The following TRIM44 variants were observed in gnomAD, a reference collection of about 807,000 sequenced individuals.
TRIM44 encodes tripartite motif-containing protein 44.
In TRIM44, 13 loss-of-function variants were observed where a neutral mutation model predicts 37.4. The ratio of observed to expected loss-of-function variants is 0.35; its 90% CI spans 0.23 to 0.55. TRIM44 has a LOEUF of 0.55. Ranked by LOEUF, TRIM44 falls within the 20% of genes least tolerant of loss-of-function variation. The pLI is 0.89. For missense variants in TRIM44, 426 were observed against 437.2 expected (o/e 0.97, Z 0.23); for synonymous variants, 175 against 157.2 (o/e 1.11, Z -0.85).
chr11:35,773,268 T>C (rs1467156113), intron 4 of TRIM44, among the ~76,000 whole-genome samples: 1 of 152,166 alleles, frequency 6.6e-6, no homozygotes, highest in African/African-American at 2.4e-5. Context: ...AACAGACTAA[T>C]ACAGGTGCCT....
chr11:35,663,384 A>G lies in TRIM44; in HGVS notation c.273A>G (p.Ile91Met). ...AEVKVEQERE[I>M]ESEAGEESES... ...TCAAGGTGGAGCAGGAGAGGGAGAT[A>G]GAAAGCGAGGCAGGGGAAGAGAGTG... Residue 91 changes from isoleucine (I) to methionine (M), a missense_variant, in exon 1 of 5, where the codon ATA becomes ATG. Transcript: ENST00000299413. 1 of 1,608,890 alleles carries G rather than the reference A, an allele frequency of 6.2e-7. No individual in the cohort carries two copies. Among genetic ancestry groups the G allele is most frequent in the Non-Finnish European group, 8.5e-7 (1 of 1,177,274 alleles).
In TRIM44 at chr11:35,720,055, G is replaced by C. The variant is rs1852082828; in HGVS notation, c.748-5869G>C. On this transcript the variant is annotated intron_variant, in intron 2 of 4. Coordinates refer to ENST00000299413, the MANE Select transcript of TRIM44 (RefSeq NM_017583.6). ...CCACTCCAAATAAACTTTAGAATCA[G>C]TTTGTTGATATCCACAAAATAACTT... Among the ~76,000 whole-genome samples the C allele has an allele frequency of 6.6e-5, 10 of 152,278 alleles. No individual in the cohort carries two copies. In the South Asian group the frequency reaches 1.9e-3, roughly 28 times the overall value.
In TRIM44 at chr11:35,726,055, T is replaced by A. The variant is rs1232664084; in HGVS notation, c.879T>A (p.Thr293=). Reference sequence around the variant, plus strand: ...AGGCAATGGCCACAGCTCATGTGACTGAGATACTGGCAGACATCCAATCCC... The same window carrying A: ...AGGCAATGGCCACAGCTCATGTGACAGAGATACTGGCAGACATCCAATCCC... ...IQEAMATAHV[T]EILADIQSHM... Residue 293 remains threonine, a synonymous_variant, in exon 3 of 5, where the codon ACT becomes ACA. Coordinates refer to ENST00000299413, the MANE Select transcript of TRIM44 (RefSeq NM_017583.6). 6.2e-7 allele frequency: 1 copy of A among 1,614,126 alleles called. No homozygotes were observed. Among genetic ancestry groups the A allele is most frequent in the Admixed American group, 1.7e-5 (1 of 60,016 alleles).
In TRIM44 at chr11:35,685,348, T is replaced by A. The variant is rs1851562913; in HGVS notation, c.747+12T>A. The A allele has an allele frequency of 6.2e-7, 1 of 1,611,004 alleles. No individual in the cohort carries two copies. Among genetic ancestry groups the A allele is most frequent in the Admixed American group, 1.7e-5 (1 of 59,952 alleles). On this transcript the variant is annotated intron_variant, in intron 2 of 4. Coordinates refer to ENST00000299413, the MANE Select transcript of TRIM44 (RefSeq NM_017583.6). Reference sequence around the variant, plus strand: ...GCTCAGACCCTAAAGTAAGTATTGTTTGGAATTGATTGGGTGTTGGTACCC... The same window carrying A: ...GCTCAGACCCTAAAGTAAGTATTGTATGGAATTGATTGGGTGTTGGTACCC...
At chr11:35,714,315 G>GA (rs1437528034) in intron 2 of TRIM44, among the ~76,000 whole-genome samples, 1 of 152,042 alleles carries the variant, frequency 6.6e-6, no homozygotes, top group Non-Finnish European at 1.5e-5. Flanking sequence ...GTTAAGTTTA[G>GA]AAAAATATCT....
intron 4 of TRIM44, among the ~76,000 whole-genome samples, chr11:35,754,284 T>A (rs187317275): frequency 6.6e-6 from 1 of 152,124 alleles, no homozygotes; most frequent in Non-Finnish European, 1.5e-5. Context: ...CAGGGAATCA[T>A]CTCGGATTTC....
At chr11:35,663,860 A>G (rs1481259116) in intron 1 of TRIM44, 80 bp downstream of exon 1, 2 of 1,479,988 alleles carry the variant, frequency 1.4e-6, no homozygotes, top group African/African-American at 1.4e-5. Flanking sequence ...CTGTGACCAC[A>G]TTCGCTTTCA....
intron 4 of TRIM44, among the ~76,000 whole-genome samples, chr11:35,796,283 G>T (rs1269484417): frequency 6.6e-6 from 1 of 152,210 alleles, no homozygotes; most frequent in Non-Finnish European, 1.5e-5. Flanking sequence ...ACACACTTGT[G>T]CATGCACACA....
chr11:35,680,687 G>A (rs1030197327), intron 1 of TRIM44, among the ~76,000 whole-genome samples: 1 of 152,188 alleles, frequency 6.6e-6, no homozygotes, highest in Non-Finnish European at 1.5e-5. Flanking sequence ...GAGGAAAGGA[G>A]AAGTGGATTG....
At chr11:35,688,733 A>T (rs904349618) in intron 2 of TRIM44, among the ~76,000 whole-genome samples, 3 of 152,210 alleles carry the variant, frequency 2.0e-5, no homozygotes, top group African/African-American at 7.2e-5. Flanking sequence ...CACCCAGAAG[A>T]CGTATTAAAA....
chr11:35,726,878 A>AG (rs1354408691), intron 3 of TRIM44, among the ~76,000 whole-genome samples: 3 of 151,942 alleles, frequency 2.0e-5, no homozygotes, highest in Non-Finnish European at 4.4e-5. Context: ...AAAAAGTACA[A>AG]GCTGGGCTCA....
chr11:35,795,291 T>A (rs1466467506), intron 4 of TRIM44, among the ~76,000 whole-genome samples: 1 of 152,208 alleles, frequency 6.6e-6, no homozygotes, highest in Non-Finnish European at 1.5e-5. Flanking sequence ...TGATATAATC[T>A]ATTGCACATT....
At chr11:35,737,602 G>A (rs1344874508) in intron 4 of TRIM44, among the ~76,000 whole-genome samples, 2 of 152,162 alleles carry the variant, frequency 1.3e-5, no homozygotes, top group East Asian at 1.9e-4. Context: ...TTGGGAGGCC[G>A]AGGCAGGTGG....
intron 4 of TRIM44, among the ~76,000 whole-genome samples, chr11:35,803,863 G>A (rs1013782404): frequency 1.3e-5 from 2 of 151,886 alleles, no homozygotes; most frequent in African/African-American, 2.4e-5. Flanking sequence ...CAGGAGAGAC[G>A]ACATACAAGC....
chr11:35,665,586 GTTT>G lies in TRIM44; in HGVS notation c.669+1830_669+1832del, dbSNP rs35522287. On this transcript the variant is annotated intron_variant, in intron 1 of 4. Coordinates refer to ENST00000299413, the MANE Select transcript of TRIM44 (RefSeq NM_017583.6). The stretch of plus-strand genomic sequence containing the variant: ...TCATTATATGAGTTTTTATATATCT[GTTT>G]TTTTTTTTTTTTTTTTTTTTTTTGA... Among the ~76,000 whole-genome samples the G allele has an allele frequency of 2.4e-3, 170 of 71,468 alleles. 2 individuals are homozygous for G. Among genetic ancestry groups the G allele is most frequent in the Middle Eastern group, 0.011 (1 of 88 alleles). The allele number at this position is 71,468 out of a possible 152,430, so 46.9% of individuals were successfully genotyped here. A position where few individuals can be genotyped will look rare whatever the true frequency, so the allele number is the denominator to read the frequency against.
chr11:35,709,641 C>T (rs745421832), intron 2 of TRIM44, among the ~76,000 whole-genome samples: 1 of 152,054 alleles, frequency 6.6e-6, no homozygotes, highest in African/African-American at 2.4e-5. Flanking sequence ...CAAAGAAACT[C>T]GGAGAGCTCA....
At chr11:35,704,244 GA>G (rs1175432414) in intron 2 of TRIM44, among the ~76,000 whole-genome samples, 5 of 152,216 alleles carry the variant, frequency 3.3e-5, no homozygotes, top group Non-Finnish European at 2.9e-5. Context: ...AAGCCTCCAT[GA>G]AATATGGGAC....
At position 35,817,474 on chromosome 11, in the gene TRIM44, G is replaced by A. The variant is rs1590621673; in HGVS notation, c.*11089G>A. The A allele has an allele frequency of 1.3e-5, 2 of 152,174 alleles. No homozygotes were observed. The highest frequency in any genetic ancestry group is 6.5e-5 in the Admixed American group (1 of 15,282). 9.4% of individuals were successfully genotyped at this position (152,174 alleles called of 1,614,324 possible). ...AGATCTTAGCAAAGTAAAAAGGACA[G>A]TGATAACAGAAAAATTGTTCCTCTA... On this transcript the variant is annotated 3_prime_UTR_variant, in exon 5 of 5. Coordinates refer to ENST00000299413, the MANE Select transcript of TRIM44 (RefSeq NM_017583.6).
chr11:35,739,402 A>C (rs565070355), intron 4 of TRIM44, among the ~76,000 whole-genome samples: 1 of 152,172 alleles, frequency 6.6e-6, no homozygotes, highest in East Asian at 1.9e-4. Context: ...CATGTGGACT[A>C]TCTTCAAAAT....
Sources: allele counts gnomAD v4.1 joint callset (sites outside exome capture counted in the v4.1 genomes callset), GRCh38; gene constraint gnomAD v4.1.1; transcripts MANE v1.5; gene names NCBI Gene and HGNC (gene_info 2026-07-23, HGNC 2026-07-21).